Variants in RORA observed in about 807,000 individuals in gnomAD.
The protein encoded by RORA is RAR related orphan receptor A, also known as nuclear receptor ROR-alpha.
A neutral mutation model predicts 69.5 loss-of-function variants in RORA; 7 were observed. The ratio of observed to expected loss-of-function variants is 0.10; its 90% confidence interval spans 0.06 to 0.19. The LOEUF is 0.19. RORA is among the 10% of genes least tolerant of loss of function. RORA has a pLI of 1.00. For missense variants in RORA, 457 were observed against 663.0 expected, an observed-to-expected ratio of 0.69 and a Z score of 3.41; for synonymous variants, 261 against 240.8, an observed-to-expected ratio of 1.08 and a Z score of -0.78.
intron 1 of RORA, among the ~76,000 whole-genome samples, chr15:60,833,421 G>A (rs2073074948): frequency 6.6e-6 from 1 of 151,784 alleles, no homozygotes; most frequent in African/African-American, 2.4e-5. Context: ...TCACCACGTT[G>A]ACCAGGCTGA....
intron 1 of RORA, among the ~76,000 whole-genome samples, chr15:60,772,552 A>C (rs1482057): frequency 0.8 from 121,878 of 152,150 alleles, 48,894 homozygotes; most frequent in South Asian, 0.9. Flanking sequence ...TCGTATGGGT[A>C]CCCACACCTA....
At chr15:60,793,234 A>G (rs2072442966) in intron 1 of RORA, among the ~76,000 whole-genome samples, 1 of 152,216 alleles carries the variant, frequency 6.6e-6, no homozygotes, top group Non-Finnish European at 1.5e-5. Context: ...AGTAGTCTTC[A>G]TTTAATTTTT....
intron 1 of RORA, among the ~76,000 whole-genome samples, chr15:60,996,189 G>A (rs1209114588): frequency 6.6e-6 from 1 of 151,898 alleles, no homozygotes; most frequent in Non-Finnish European, 1.5e-5. Context: ...TCCAGCCTCA[G>A]ACTCCCAAGC....
intron 1 of RORA, among the ~76,000 whole-genome samples, chr15:60,836,179 G>A (rs1446844013): frequency 6.6e-6 from 1 of 152,204 alleles, no homozygotes; most frequent in African/African-American, 2.4e-5. Flanking sequence ...GCATGTGCTG[G>A]CGTAAATGTC....
At chr15:60,670,027 T>TG (rs2070440428) in intron 2 of RORA, among the ~76,000 whole-genome samples, 1 of 152,206 alleles carries the variant, frequency 6.6e-6, no homozygotes, top group South Asian at 2.1e-4. Context: ...TCCATAGGTA[T>TG]GAACTGCAGT....
intron 2 of RORA, among the ~76,000 whole-genome samples, chr15:60,604,690 G>A (rs778374946): frequency 6.6e-6 from 1 of 152,140 alleles, no homozygotes; most frequent in Non-Finnish European, 1.5e-5. Context: ...TTTGAAAGTA[G>A]CATGTATGGA....
intron 1 of RORA, among the ~76,000 whole-genome samples, chr15:60,906,099 C>T (rs533413218): frequency 6.6e-6 from 1 of 152,138 alleles, no homozygotes; most frequent in Non-Finnish European, 1.5e-5. Flanking sequence ...ACTCTCTTTT[C>T]GGGGGCTTCA....
intron 2 of RORA, among the ~76,000 whole-genome samples, chr15:60,555,437 C>T (rs560828622): frequency 3.9e-5 from 6 of 152,264 alleles, no homozygotes; most frequent in Admixed American, 6.5e-5. Context: ...TTCACAATAA[C>T]GCTTTTAAAC....
chr15:60,750,802 T>A (rs2071713176), intron 1 of RORA, among the ~76,000 whole-genome samples: 1 of 152,250 alleles, frequency 6.6e-6, no homozygotes, highest in South Asian at 2.1e-4. Context: ...TAGCAGTTGC[T>A]TCAGAAAGAG....
intron 3 of RORA, among the ~76,000 whole-genome samples, chr15:60,516,212 T>TATATTA (rs2065942382): frequency 1.3e-4 from 1 of 7,864 alleles, no homozygotes; most frequent in African/African-American, 6.3e-4. Flanking sequence ...TATATATTTA[T>TATATTA]ATATATATAT....
At chr15:61,185,273 C>T (rs1024794532) in intron 1 of RORA, among the ~76,000 whole-genome samples, 1 of 151,916 alleles carries the variant, frequency 6.6e-6, no homozygotes, top group Non-Finnish European at 1.5e-5. Flanking sequence ...CTGCAGCAAA[C>T]TAAATGATAT....
intron 2 of RORA, among the ~76,000 whole-genome samples, chr15:60,553,289 G>A (rs564672179): frequency 2.0e-5 from 3 of 152,262 alleles, no homozygotes; most frequent in South Asian, 2.1e-4. Context: ...CTCATATTCC[G>A]AGTCACATGG....
At chr15:61,024,451 G>GT (rs34652090) in intron 1 of RORA, among the ~76,000 whole-genome samples, 80,098 of 134,546 alleles carry the variant, frequency 0.6, 25,384 homozygotes, top group Non-Finnish European at 0.72. Flanking sequence ...GCCCGGTAAT[G>GT]TTTTTTTTTT....
At chr15:60,768,431 C>T (rs910549618) in intron 1 of RORA, among the ~76,000 whole-genome samples, 3 of 152,150 alleles carry the variant, frequency 2.0e-5, no homozygotes, top group African/African-American at 7.2e-5. Context: ...AGGTGTGAGC[C>T]GTAGGCTGGC....
chr15:61,007,753 T>TTATATAAAA (rs930961501), intron 1 of RORA, among the ~76,000 whole-genome samples: 1 of 148,258 alleles, frequency 6.7e-6, no homozygotes, highest in African/African-American at 2.4e-5. Flanking sequence ...TAGCCTAATG[T>TTATATAAAA]TATATATTAT....
At chr15:60,917,265 T>G (rs1219899136) in intron 1 of RORA, among the ~76,000 whole-genome samples, 1 of 152,228 alleles carries the variant, frequency 6.6e-6, no homozygotes, top group African/African-American at 2.4e-5. Context: ...TCCCATCTGG[T>G]TAATATAATT....
chr15:60,546,220 CAACT>C (rs1374640407), intron 2 of RORA: 2 of 152,180 alleles, frequency 1.3e-5, no homozygotes, highest in Non-Finnish European at 2.9e-5. Flanking sequence ...CTTTGAGGGC[CAACT>C]AACAGATTTC....
chr15:61,218,137 G>C (rs1286153820), intron 1 of RORA, among the ~76,000 whole-genome samples: 1 of 151,640 alleles, frequency 6.6e-6, no homozygotes, highest in Non-Finnish European at 1.5e-5. Context: ...ACACAATCAC[G>C]CATCACAAGT....
intron 1 of RORA, among the ~76,000 whole-genome samples, chr15:60,700,795 C>G (rs1362538304): frequency 6.6e-6 from 1 of 152,130 alleles, no homozygotes; most frequent in Non-Finnish European, 1.5e-5. Flanking sequence ...TGAGCTAATT[C>G]CCATTTATCC....
Sources: allele counts gnomAD v4.1 joint callset (sites outside exome capture counted in the v4.1 genomes callset), GRCh38; gene constraint gnomAD v4.1.1; transcripts MANE v1.5; gene names NCBI Gene and HGNC (gene_info 2026-07-23, HGNC 2026-07-21).